The following LRRC4C variants were observed in gnomAD, a reference collection of about 807,000 sequenced individuals.
The protein encoded by LRRC4C is leucine rich repeat containing 4C.
LRRC4C carries 5 observed loss-of-function variants against 33.6 expected under a neutral mutation model. That is an observed-to-expected ratio of 0.15 (90% CI 0.08 to 0.31). The LOEUF (loss-of-function observed/expected upper bound fraction) is 0.31. Among genes scored for constraint, LRRC4C ranks in the 10% least tolerant of loss-of-function variants. LRRC4C has a pLI of 1.00. For synonymous variants in LRRC4C, 329 were observed against 302.0 expected, an observed-to-expected ratio of 1.09 and a Z score of -0.93; for missense variants, 560 against 796.7, an observed-to-expected ratio of 0.70 and a Z score of 3.58.
chr11:40,499,371 A>G (rs1359644118), intron 3 of LRRC4C, among the ~76,000 whole-genome samples: 2 of 152,194 alleles, frequency 1.3e-5, no homozygotes, highest in African/African-American at 4.8e-5. Context: ...CTCAGCAAGT[A>G]TCATATGGAA....
chr11:40,284,037 A>G (rs1241029483), intron 4 of LRRC4C, among the ~76,000 whole-genome samples: 1 of 152,132 alleles, frequency 6.6e-6, no homozygotes, highest in Non-Finnish European at 1.5e-5. Flanking sequence ...GCCACAATTT[A>G]CTGGGTTTTT....
Position 40,634,920 on chromosome 11 carries a change from C to T in LRRC4C, c.-270+13222G>A, listed in dbSNP as rs564107109. Reference sequence around the variant, plus strand: ...AAAGAAAAAAGGAAAAAGGAAATGGCTTATTTTTACATATTTGGCTAGCAA... The same window carrying T: ...AAAGAAAAAAGGAAAAAGGAAATGGTTTATTTTTACATATTTGGCTAGCAA... On this transcript the variant is annotated intron_variant, in intron 3 of 6. Transcript: ENST00000528697. 5.3e-5 allele frequency among the ~76,000 whole-genome samples: 8 copies of T among 151,558 alleles called. No homozygotes were observed. The South Asian group carries it at 1.7e-3, about 32-fold the overall frequency.
At chr11:40,790,885 G>C (rs1209043009) in intron 2 of LRRC4C, among the ~76,000 whole-genome samples, 3 of 152,124 alleles carry the variant, frequency 2.0e-5, no homozygotes, top group Non-Finnish European at 4.4e-5. Context: ...TCTCTCTGAT[G>C]GTTAATTATA....
intron 1 of LRRC4C, among the ~76,000 whole-genome samples, chr11:41,206,971 T>C (rs920813725): frequency 1.3e-5 from 2 of 152,136 alleles, no homozygotes; most frequent in African/African-American, 4.8e-5. Context: ...CTATACACTA[T>C]ATATATATTT....
chr11:41,079,907 A>G (rs1939438557), intron 1 of LRRC4C, among the ~76,000 whole-genome samples: 1 of 152,114 alleles, frequency 6.6e-6, no homozygotes. Flanking sequence ...CTTTAGAGAT[A>G]CCAAGGAGGT....
At chr11:40,317,626 T>C (rs1228975057) in intron 4 of LRRC4C, among the ~76,000 whole-genome samples, 1 of 152,138 alleles carries the variant, frequency 6.6e-6, no homozygotes, top group Non-Finnish European at 1.5e-5. Flanking sequence ...TCTCTCTGCA[T>C]GTCTCTTGGT....
At chr11:41,294,000 A>G (rs998571949) in intron 1 of LRRC4C, among the ~76,000 whole-genome samples, 5 of 152,198 alleles carry the variant, frequency 3.3e-5, no homozygotes, top group Non-Finnish European at 7.3e-5. Context: ...ATGAAAGACA[A>G]TTGAACTCAG....
intron 5 of LRRC4C, among the ~76,000 whole-genome samples, chr11:40,216,826 C>T (rs1253269809): frequency 1.3e-5 from 2 of 152,090 alleles, no homozygotes; most frequent in Admixed American, 6.6e-5. Context: ...AGTTCTTTAG[C>T]GGGTTGGGGA....
chr11:40,699,059 C>T (rs1945728566), intron 2 of LRRC4C, among the ~76,000 whole-genome samples: 1 of 152,154 alleles, frequency 6.6e-6, no homozygotes, highest in South Asian at 2.1e-4. Flanking sequence ...CTTTCCTCAT[C>T]CCCTGTCCCA....
intron 4 of LRRC4C, among the ~76,000 whole-genome samples, chr11:40,275,171 A>C (rs1245804144): frequency 6.6e-6 from 1 of 152,178 alleles, no homozygotes; most frequent in Non-Finnish European, 1.5e-5. Flanking sequence ...GTATAAATTT[A>C]ATTATGTGAG....
chr11:40,342,816 A>G (rs1946931473), intron 3 of LRRC4C, among the ~76,000 whole-genome samples: 1 of 152,052 alleles, frequency 6.6e-6, no homozygotes, highest in Admixed American at 6.6e-5. Flanking sequence ...CATATATACT[A>G]CATATTGCTA....
chr11:41,008,972 AT>A (rs1565296282), intron 1 of LRRC4C, among the ~76,000 whole-genome samples: 1 of 152,060 alleles, frequency 6.6e-6, no homozygotes, highest in Admixed American at 6.6e-5. Context: ...CAATTGAACT[AT>A]TTTTAAAAAG....
intron 1 of LRRC4C, among the ~76,000 whole-genome samples, chr11:41,056,128 A>C (rs958439099): frequency 1.3e-5 from 2 of 152,122 alleles, no homozygotes; most frequent in African/African-American, 4.8e-5. Context: ...CCAAGAATGA[A>C]AAAAACTAAT....
At chr11:40,533,414 G>A (rs796425549) in intron 3 of LRRC4C, among the ~76,000 whole-genome samples, 6 of 152,154 alleles carry the variant, frequency 3.9e-5, no homozygotes, top group African/African-American at 1.2e-4. Flanking sequence ...ACGCCAATAC[G>A]TCATGATTAT....
chr11:40,168,980 T>A (rs965468592), intron 5 of LRRC4C, among the ~76,000 whole-genome samples: 13 of 152,204 alleles, frequency 8.5e-5, no homozygotes, highest in African/African-American at 3.1e-4. Flanking sequence ...GTCTTTACTT[T>A]AGTTTTTTTT....
chr11:41,021,585 AC>A (rs1855989803), intron 1 of LRRC4C, among the ~76,000 whole-genome samples: 1 of 152,070 alleles, frequency 6.6e-6, no homozygotes, highest in Non-Finnish European at 1.5e-5. Context: ...TTATATCACC[AC>A]CATTTTAGAT....
intron 3 of LRRC4C, among the ~76,000 whole-genome samples, chr11:40,496,788 C>T (rs1240528553): frequency 6.6e-6 from 1 of 152,054 alleles, no homozygotes; most frequent in African/African-American, 2.4e-5. Flanking sequence ...ATCCAATCAC[C>T]CTCCGACCCA....
At chr11:40,946,461 T>C (rs998015316) in intron 1 of LRRC4C, among the ~76,000 whole-genome samples, 2 of 152,182 alleles carry the variant, frequency 1.3e-5, no homozygotes, top group Non-Finnish European at 2.9e-5. Context: ...AGTAATGGGA[T>C]TGCTGGGTCA....
At chr11:40,182,872 C>A (rs960005533) in intron 5 of LRRC4C, among the ~76,000 whole-genome samples, 1 of 152,136 alleles carries the variant, frequency 6.6e-6, no homozygotes, top group Non-Finnish European at 1.5e-5. Context: ...GATCATTACA[C>A]GTGTTAACTA....
Sources: gnomAD v4.1 joint callset for allele counts (sites outside exome capture counted in the v4.1 genomes callset) on GRCh38, gnomAD v4.1.1 for gene constraint, MANE v1.5 for transcripts, NCBI Gene and HGNC (gene_info 2026-07-23, HGNC 2026-07-21) for gene names.